Variants in LMF1 observed in about 807,000 individuals in gnomAD.
The protein encoded by LMF1 is lipase maturation factor 1.
Under a neutral mutation model 60.6 loss-of-function variants are expected in LMF1, and 68 were observed. The ratio of observed to expected loss-of-function variants is 1.12; its 90% CI spans 0.92 to 1.37. The LOEUF (loss-of-function observed/expected upper bound fraction) is 1.37. LMF1 is among the 40% of genes most tolerant of loss of function. LMF1 has a pLI of 0.00. For missense variants in LMF1, 948 were observed against 767.2 expected, an observed-to-expected ratio of 1.24 and a Z score of -2.78; for synonymous variants, 418 against 324.7, an observed-to-expected ratio of 1.29 and a Z score of -3.09.
At chr16:979,754 G>A (rs769319718) in intron 1 of LMF1, 25 of 454,022 alleles carry the variant, frequency 5.5e-5, no homozygotes, top group South Asian at 1.6e-5. Flanking sequence ...CCGAGTGGGC[G>A]ATGTCTGCTC....
intron 1 of LMF1, among the ~76,000 whole-genome samples, chr16:963,350 G>A (rs538517831): frequency 3.3e-5 from 5 of 152,224 alleles, no homozygotes; most frequent in Non-Finnish European, 7.4e-5. Flanking sequence ...CCACAGCTCA[G>A]GCCAGTGTGT....
chr16:922,192 T>C (rs73499223), intron 3 of LMF1, among the ~76,000 whole-genome samples: 1 of 152,122 alleles, frequency 6.6e-6, no homozygotes, highest in African/African-American at 2.4e-5. Context: ...GCCATGCTCC[T>C]TGGCAGCAAC....
chr16:952,309 C>A (rs1326930808), intron 2 of LMF1, among the ~76,000 whole-genome samples: 2 of 56,356 alleles, frequency 3.5e-5, no homozygotes, highest in Non-Finnish European at 6.2e-5. Flanking sequence ...AAAGTGGGGA[C>A]CCCCCCCCAC....
intron 4 of LMF1, chr16:901,325 C>T (rs950101449): frequency 1.3e-5 from 2 of 151,986 alleles, no homozygotes; most frequent in Admixed American, 6.6e-5. Context: ...GAAAACCCAC[C>T]CTCTGCCCCT....
chr16:863,338 C>G (rs2069523652), intron 10 of LMF1, among the ~76,000 whole-genome samples: 1 of 152,164 alleles, frequency 6.6e-6, no homozygotes, highest in Non-Finnish European at 1.5e-5. Context: ...GACCGGGTTT[C>G]ACCATGTTGG....
intron 10 of LMF1, among the ~76,000 whole-genome samples, chr16:860,036 C>T (rs190569657): frequency 1.3e-5 from 2 of 151,606 alleles, no homozygotes; most frequent in Admixed American, 6.5e-5. Flanking sequence ...CTGAGCTTAT[C>T]TGTCATCTGT....
chr16:973,315 A>G (rs2073082370), upstream of LMF1, among the ~76,000 whole-genome samples: 2 of 152,250 alleles, frequency 1.3e-5, no homozygotes, highest in Non-Finnish European at 2.9e-5. Context: ...ACTGCACTCC[A>G]GCCTGGGCCA....
At chr16:938,590 A>G (rs1170309005) in intron 2 of LMF1, among the ~76,000 whole-genome samples, 1 of 152,222 alleles carries the variant, frequency 6.6e-6, no homozygotes, top group Non-Finnish European at 1.5e-5. Context: ...GTCTTTGCAA[A>G]CATCTGTCGC....
chr16:854,759 C>T (rs1038742406), intron 10 of LMF1, 53 bp from the exon 11 acceptor site: 51 of 1,489,570 alleles, frequency 3.4e-5, no homozygotes, highest in Non-Finnish European at 5.4e-6. Context: ...CGGCCCCCGA[C>T]CCGGCTCCTC....
chr16:916,682 C>T (rs1050872269), intron 3 of LMF1, among the ~76,000 whole-genome samples: 6 of 152,206 alleles, frequency 3.9e-5, no homozygotes, highest in African/African-American at 9.7e-5. Flanking sequence ...AGCCCCAGAC[C>T]CCACTTCTCC....
chr16:945,724 G>A (rs1215304277), intron 2 of LMF1, among the ~76,000 whole-genome samples: 4 of 152,182 alleles, frequency 2.6e-5, no homozygotes, highest in Non-Finnish European at 1.5e-5. Context: ...GAAACGGTCA[G>A]GAATCTATTT....
At chr16:912,225 C>A (rs189359225) in intron 3 of LMF1, among the ~76,000 whole-genome samples, 1 of 152,214 alleles carries the variant, frequency 6.6e-6, no homozygotes, top group East Asian at 1.9e-4. Flanking sequence ...CAGACAGAGA[C>A]TCGCAGGGGC....
intron 2 of LMF1, among the ~76,000 whole-genome samples, chr16:937,192 A>C (rs546596057): frequency 1.3e-5 from 2 of 152,348 alleles, no homozygotes; most frequent in Admixed American, 6.5e-5. Flanking sequence ...TTTAAATAGC[A>C]GGTTTTAGCT....
intron 2 of LMF1, chr16:934,513 T>C (rs767661140): frequency 7.9e-6 from 4 of 509,270 alleles, no homozygotes; most frequent in Admixed American, 3.4e-5. Flanking sequence ...TAAAAAAATA[T>C]GTATTTTGCG....
chr16:896,177 G>A (rs377132790), intron 4 of LMF1, among the ~76,000 whole-genome samples: 1 of 74,974 alleles, frequency 1.3e-5, no homozygotes, highest in Non-Finnish European at 2.2e-5. Context: ...CCACCCACAC[G>A]CAGGCTGCAC....
At position 870,870 on chromosome 16, in the gene LMF1, C is replaced by G; in HGVS notation, c.1091G>C (p.Arg364Pro). 6.2e-7 allele frequency: 1 copy of G among 1,608,254 alleles called. No individual in the cohort carries two copies. The highest frequency in any genetic ancestry group is 8.5e-7 in the Non-Finnish European group (1 of 1,179,322). Reference protein sequence around the residue: ...RPEPRFGSVVRRAANVSLGVL... With the variant: ...RPEPRFGSVVPRAANVSLGVL... ...GCCCAGCGAGACGTTGGCTGCACGCCGCACCACGGAGCCTGGCAGGGGAGT... is the reference window on the plus strand; with the variant it reads ...GCCCAGCGAGACGTTGGCTGCACGCGGCACCACGGAGCCTGGCAGGGGAGT... Residue 364 changes from arginine (R) to proline (P), a missense_variant, in exon 8 of 11, where the codon CGG becomes CCG. By Grantham distance (103) the Arg-to-Pro change is moderately radical (BLOSUM62 -2). Coordinates refer to ENST00000262301, the MANE Select transcript of LMF1 (RefSeq NM_022773.4).
intron 2 of LMF1, among the ~76,000 whole-genome samples, chr16:940,860 T>G (rs1008841239): frequency 2.0e-5 from 3 of 152,226 alleles, no homozygotes; most frequent in African/African-American, 4.8e-5. Context: ...TTTTGTTTGT[T>G]TAGTTGTTCT....
chr16:878,627 C>A lies in LMF1; in HGVS notation c.897+943G>T, dbSNP rs1274007965. 6.6e-6 allele frequency among the ~76,000 whole-genome samples: 1 copy of A among 151,846 alleles called. No individual in the cohort carries two copies. Among genetic ancestry groups the A allele is most frequent in the Admixed American group, 6.5e-5 (1 of 15,274 alleles). On this transcript the variant is annotated intron_variant, in intron 6 of 10. Transcript: ENST00000262301. The surrounding 1 kb of genome is among the most constrained non-coding windows in gnomAD (Gnocchi z 5.2). The stretch of plus-strand genomic sequence containing the variant: ...GCACGCACCGTGAAACAGGACCCGG[C>A]CAACAACCATGGGCGCCCCCACGTG...
chr16:955,369 C>T (rs1214412230), intron 1 of LMF1, among the ~76,000 whole-genome samples: 3 of 145,446 alleles, frequency 2.1e-5, no homozygotes, highest in South Asian at 4.4e-4. Context: ...ACATAAAATG[C>T]GTGCCCGCAG....
Sources: allele counts gnomAD v4.1 joint callset (sites outside exome capture counted in the v4.1 genomes callset), GRCh38; gene constraint gnomAD v4.1.1; non-coding constraint Gnocchi (gnomAD v3.1); transcripts MANE v1.5; gene names NCBI Gene and HGNC (gene_info 2026-07-23, HGNC 2026-07-21).